The following SMIM35 variants were observed in gnomAD, a reference collection of about 807,000 sequenced individuals.
SMIM35 encodes the protein small integral membrane protein 35.
intron 1 of SMIM35, among the ~76,000 whole-genome samples, chr11:118,059,923 AC>A (rs1455490134): frequency 6.6e-6 from 1 of 152,234 alleles, no homozygotes; most frequent in African/African-American, 2.4e-5. Context: ...GAAGATAAGT[AC>A]CAAAGCAAGC....
chr11:118,074,323 G>A (rs918475167), intron 1 of SMIM35, among the ~76,000 whole-genome samples: 4 of 152,058 alleles, frequency 2.6e-5, no homozygotes, highest in Non-Finnish European at 4.4e-5. Flanking sequence ...TAAAGAGGAA[G>A]AGATAAAAGA....
chr11:118,028,622 C>T, intron 1 of SMIM35: 1 of 228,158 alleles, frequency 4.4e-6, no homozygotes, highest in South Asian at 5.5e-5. Flanking sequence ...CTTGGGTTTT[C>T]AGTTCGTAAA....
rs968133830 is a variant in SMIM35 at position 118,005,681 on chromosome 11, T to C, written c.*729A>G. On this transcript the variant is annotated 3_prime_UTR_variant, in exon 5 of 5. Transcript: ENST00000689828. ...AGTCCTATCAGCTCTACCTTCCAGA[T>C]AGATGGTGAATCCAATCACTTGTCA... The C allele has an allele frequency of 1.3e-5, 2 of 152,486 alleles. No homozygotes were observed. Among genetic ancestry groups the C allele is most frequent in the African/African-American group, 2.4e-5 (1 of 41,452 alleles). 9.4% of individuals were successfully genotyped at this position (152,486 alleles called of 1,614,324 possible).
At chr11:118,029,862 A>G in intron 1 of SMIM35, 1 of 451,890 alleles carries the variant, frequency 2.2e-6, no homozygotes, top group Non-Finnish European at 4.5e-6. Flanking sequence ...TGCCTCCTGC[A>G]TTGCTACCTC....
intron 1 of SMIM35, among the ~76,000 whole-genome samples, chr11:118,076,556 CT>C (rs1944695766): frequency 6.6e-6 from 1 of 152,152 alleles, no homozygotes; most frequent in Non-Finnish European, 1.5e-5. Flanking sequence ...TATTGAACGG[CT>C]GCTGAGGCAG....
intron 1 of SMIM35, among the ~76,000 whole-genome samples, chr11:118,049,981 A>C (rs1233755293): frequency 6.6e-6 from 1 of 152,094 alleles, no homozygotes; most frequent in African/African-American, 2.4e-5. Flanking sequence ...ACTGGGGCCT[A>C]GAAGGTACCA....
intron 1 of SMIM35, among the ~76,000 whole-genome samples, chr11:118,066,628 C>A (rs965578503): frequency 6.6e-6 from 1 of 151,816 alleles, no homozygotes; most frequent in African/African-American, 2.4e-5. Flanking sequence ...CATAATACAC[C>A]CTGAAAGACA....
chr11:118,062,572 A>C (rs1374926789), intron 1 of SMIM35, among the ~76,000 whole-genome samples: 1 of 152,154 alleles, frequency 6.6e-6, no homozygotes, highest in East Asian at 1.9e-4. Flanking sequence ...TTCCATTTGC[A>C]ACGGAGAACA....
intron 1 of SMIM35, among the ~76,000 whole-genome samples, chr11:118,036,719 C>T (rs2058361754): frequency 6.6e-6 from 1 of 152,254 alleles, no homozygotes; most frequent in Non-Finnish European, 1.5e-5. Flanking sequence ...GCCTTTCCAT[C>T]TGGGCTGGTT....
chr11:118,035,158 A>C (rs1037998087), intron 1 of SMIM35, among the ~76,000 whole-genome samples: 21 of 151,836 alleles, frequency 1.4e-4, no homozygotes, highest in Non-Finnish European at 2.9e-4. Flanking sequence ...CACCATGTTG[A>C]CCAGGCTGTT....
chr11:118,025,758 T>A (rs539812390), intron 1 of SMIM35: 32 of 453,080 alleles, frequency 7.1e-5, no homozygotes, highest in Non-Finnish European at 1.4e-4. Flanking sequence ...TTTGTTCTGT[T>A]GATAGTTTCT....
At chr11:118,035,574 G>T (rs74582224) in intron 1 of SMIM35, among the ~76,000 whole-genome samples, 6,037 of 152,220 alleles carry the variant, frequency 0.04, 196 homozygotes, top group East Asian at 0.19. Context: ...TGCGTGGGTG[G>T]GGCATGCCTG....
intron 1 of SMIM35, among the ~76,000 whole-genome samples, chr11:118,048,121 G>A (rs1034355002): frequency 2.0e-5 from 3 of 151,820 alleles, no homozygotes; most frequent in Admixed American, 6.6e-5. Context: ...TTATTTTCAC[G>A]TTTTTAAGAA....
At chr11:118,023,685 G>A (rs761166326) in intron 1 of SMIM35, among the ~76,000 whole-genome samples, 1 of 151,982 alleles carries the variant, frequency 6.6e-6, no homozygotes, top group Non-Finnish European at 1.5e-5. Context: ...GCACTTGAAG[G>A]CATAGCAATA....
intron 1 of SMIM35, among the ~76,000 whole-genome samples, chr11:118,067,860 CATATATATATATATATATATATATATAT>C (rs57497227): frequency 0.44 from 36,012 of 81,920 alleles, 6,148 homozygotes; most frequent in South Asian, 0.51. Flanking sequence ...CAACAACAAA[CATATATATATATATATATATATATATAT>C]ATATATATAT....
chr11:118,084,452 A>T (rs1327916504), intron 1 of SMIM35, among the ~76,000 whole-genome samples: 4 of 152,232 alleles, frequency 2.6e-5, no homozygotes, highest in Non-Finnish European at 4.4e-5. Context: ...AGCACTATTT[A>T]TAGGATCCTG....
intron 1 of SMIM35, among the ~76,000 whole-genome samples, chr11:118,080,638 A>C (rs1162974405): frequency 6.6e-6 from 1 of 152,290 alleles, no homozygotes; most frequent in Admixed American, 6.5e-5. Context: ...GCCAAAGCCC[A>C]AGAGATCTGA....
At chr11:118,009,476 T>C (rs1032314288) in intron 4 of SMIM35, among the ~76,000 whole-genome samples, 1 of 152,140 alleles carries the variant, frequency 6.6e-6, no homozygotes, top group Non-Finnish European at 1.5e-5. Context: ...ATGTTAGCGT[T>C]TCACCCTACA....
At chr11:118,034,814 A>G (rs963425478) in intron 1 of SMIM35, among the ~76,000 whole-genome samples, 1 of 152,234 alleles carries the variant, frequency 6.6e-6, no homozygotes, top group Admixed American at 6.5e-5. Flanking sequence ...AAGGGGGACG[A>G]GGAGCCAACC....
Sources: gnomAD v4.1 joint callset for allele counts (sites outside exome capture counted in the v4.1 genomes callset) on GRCh38, gnomAD v4.1.1 for gene constraint, MANE v1.5 for transcripts, NCBI Gene and HGNC (gene_info 2026-07-23, HGNC 2026-07-21) for gene names.